IL31RA: variants seen among roughly 807,000 people sequenced by gnomAD.
The protein encoded by IL31RA is interleukin 31 receptor A.
A neutral mutation model predicts 83.7 loss-of-function variants in IL31RA; 66 were observed. The ratio of observed to expected loss-of-function variants is 0.79; its 90% CI spans 0.65 to 0.97. The LOEUF (loss-of-function observed/expected upper bound fraction) is 0.97. IL31RA is among the 50% of genes least tolerant of loss of function. IL31RA has a pLI of 0.00. For synonymous variants in IL31RA, 325 were observed against 329.0 expected (o/e 0.99, Z 0.13); for missense variants, 798 against 919.4 (o/e 0.87, Z 1.71).
At chr5:55,889,691 G>C (rs1242639705) in intron 5 of IL31RA, among the ~76,000 whole-genome samples, 1 of 152,174 alleles carries the variant, frequency 6.6e-6, no homozygotes, top group African/African-American at 2.4e-5. Flanking sequence ...GCAGAGCTCT[G>C]CTCACCCAGA....
chr5:55,853,328 A>G (rs1417419885), intron 1 of IL31RA: 5 of 1,268,722 alleles, frequency 3.9e-6, no homozygotes, highest in Non-Finnish European at 4.0e-6. Flanking sequence ...TTAGTTAACA[A>G]TAATGCAATC....
At chr5:55,915,030 A>G in intron 14 of IL31RA, 102 bp downstream of exon 14, 2 of 885,566 alleles carry the variant, frequency 2.3e-6, no homozygotes, top group South Asian at 2.7e-5. Context: ...TTCAAGGTTC[A>G]CATCAAGAGA....
At position 55,878,353 on chromosome 5, in the gene IL31RA, C is replaced by T. The variant is rs1012691694; in HGVS notation, c.455-4691C>T. Among the ~76,000 whole-genome samples, 26 of 152,172 alleles carry T rather than the reference C, an allele frequency of 1.7e-4. No homozygotes were observed. In the South Asian group the frequency reaches 2.5e-3, roughly 15 times the overall value. On this transcript the variant is annotated intron_variant, in intron 4 of 14. Transcript: ENST00000652347. ...TCTGATGGCTGGGCTTCCTCAAGGA[C>T]AGTTTCTGTGGATTTGTTTTGTTTA...
At chr5:55,889,683 A>G (rs970504712) in intron 5 of IL31RA, among the ~76,000 whole-genome samples, 3 of 152,216 alleles carry the variant, frequency 2.0e-5, no homozygotes, top group Non-Finnish European at 4.4e-5. Context: ...AGCAAGCAGC[A>G]GAGCTCTGCT....
chr5:55,872,253 C>T lies in IL31RA; in HGVS notation c.273-17C>T. 6.3e-7 allele frequency: 1 copy of T among 1,586,624 alleles called. No individual in the cohort carries two copies. The highest frequency in any genetic ancestry group is 8.6e-7 in the Non-Finnish European group (1 of 1,156,148). On this transcript the variant is annotated splice_polypyrimidine_tract_variant and intron_variant, in intron 3 of 14. Transcript: ENST00000652347. Reference sequence around the variant, plus strand: ...CCATTGTACTAAACTCATGTTGAATCACTTTTTCTTTCAAAGCGCTTTTGG... The same window carrying T: ...CCATTGTACTAAACTCATGTTGAATTACTTTTTCTTTCAAAGCGCTTTTGG...
intron 2 of IL31RA, among the ~76,000 whole-genome samples, chr5:55,865,573 T>C (rs1462928889): frequency 6.6e-6 from 1 of 152,184 alleles, no homozygotes; most frequent in Admixed American, 6.5e-5. Context: ...TGCTACCCAT[T>C]CTGGAACCCC....
At chr5:55,887,495 T>C (rs1003676900) in intron 5 of IL31RA, among the ~76,000 whole-genome samples, 5 of 152,182 alleles carry the variant, frequency 3.3e-5, no homozygotes, top group Non-Finnish European at 5.9e-5. Context: ...ATCCCAGCAC[T>C]TTGGGAGGCC....
At chr5:55,870,696 C>T (rs1746456426) in intron 3 of IL31RA, among the ~76,000 whole-genome samples, 1 of 152,180 alleles carries the variant, frequency 6.6e-6, no homozygotes, top group Non-Finnish European at 1.5e-5. Flanking sequence ...TCCTAGGCCA[C>T]TTGCATTTTT....
Position 55,903,166 on chromosome 5 carries a change from C to T in IL31RA, c.1070-2940C>T, listed in dbSNP as rs893016588. 1.3e-5 allele frequency among the ~76,000 whole-genome samples: 2 copies of T among 152,236 alleles called. No individual in the cohort carries two copies. The highest frequency in any genetic ancestry group is 1.9e-4 in the East Asian group (1 of 5,178). ...GACCCGAGACAGCAGGCAGCGGTGG[C>T]GTGGTCCCAGGCAGGGCATCGGAAA... On this transcript the variant is annotated intron_variant, in intron 8 of 14. Transcript: ENST00000652347. This position sits in a 1 kb window ranked among gnomAD's most constrained non-coding sequence, Gnocchi z 4.7.
chr5:55,884,026 C>T (rs1365870005), intron 5 of IL31RA, among the ~76,000 whole-genome samples: 2 of 152,136 alleles, frequency 1.3e-5, no homozygotes, highest in Non-Finnish European at 2.9e-5. Flanking sequence ...TTTACCTGAC[C>T]TTTAATGAAG....
chr5:55,913,445 C>A, intron 12 of IL31RA, 32 bp from the exon 13 acceptor site: 1 of 1,376,972 alleles, frequency 7.3e-7, no homozygotes, highest in Non-Finnish European at 1.0e-6. Context: ...GTGAGGAACT[C>A]ACTACTGACT....
chr5:55,848,056 C>T (rs1484241417), upstream of IL31RA, among the ~76,000 whole-genome samples: 3 of 152,176 alleles, frequency 2.0e-5, no homozygotes, highest in Non-Finnish European at 4.4e-5. Context: ...TATAACATCA[C>T]TGGTGATGCT....
chr5:55,857,858 T>C (rs1745448562), intron 1 of IL31RA, among the ~76,000 whole-genome samples: 1 of 152,206 alleles, frequency 6.6e-6, no homozygotes, highest in African/African-American at 2.4e-5. Context: ...TCCAACCACC[T>C]AACACATGGC....
chr5:55,847,242 T>G (rs142242356), upstream of IL31RA, among the ~76,000 whole-genome samples: 7 of 115,084 alleles, frequency 6.1e-5, no homozygotes, highest in African/African-American at 1.9e-4. Flanking sequence ...AAAAAAAAAA[T>G]AAAAATAAAT....
In IL31RA at chr5:55,906,175, C is replaced by A; in HGVS notation, c.1139C>A (p.Ser380Tyr). Residue 380 changes from serine to tyrosine, a missense_variant, in exon 9 of 15, where the codon TCT (serine) becomes TAT (tyrosine). Physicochemically the swap from Ser to Tyr is moderately radical, Grantham distance 144. Coordinates refer to ENST00000652347, the MANE Select transcript of IL31RA (RefSeq NM_139017.7). ...EDQLVVKWQS[S>Y]ALDVNTWMIE... ...CAGCTAGTGGTGAAGTGGCAAAGCT[C>A]TGCTCTAGACGTGAACACTTGGATG... 1 of 1,614,008 alleles carries A rather than the reference C, an allele frequency of 6.2e-7. No homozygotes were observed. The highest frequency in any genetic ancestry group is 1.1e-5 in the South Asian group (1 of 91,082).
intron 4 of IL31RA, among the ~76,000 whole-genome samples, chr5:55,882,238 T>C: frequency 6.6e-6 from 1 of 152,164 alleles, no homozygotes; most frequent in East Asian, 1.9e-4. Flanking sequence ...TGTAATACCA[T>C]GAATGTGCGA....
At chr5:55,913,076 C>A (rs1370738711) in intron 12 of IL31RA, among the ~76,000 whole-genome samples, 1 of 132,176 alleles carries the variant, frequency 7.6e-6, no homozygotes, top group Non-Finnish European at 1.6e-5. Context: ...GCACAAAATT[C>A]TGTTTTTTGT....
At position 55,890,020 on chromosome 5, in the gene IL31RA, C is replaced by T. The variant is rs888799686; in HGVS notation, c.657C>T (p.Asn219=). The change falls in exon 6 of 15, where the codon AAC becomes AAT. Residue 219 remains asparagine, a synonymous_variant. Transcript: ENST00000652347. The part of the protein sequence containing the change: ...KNRKDKNQTY[N]LTGLQPFTEY... ...GTAAGGATAAAAACCAAACGTACAA[C>T]CTCACGGGGCTGCAGCCTTTTACAG... is the stretch of plus-strand genomic sequence containing the variant. 7 of 1,614,048 alleles carry T rather than the reference C, an allele frequency of 4.3e-6. No homozygotes were observed.
In IL31RA at chr5:55,919,497, C is replaced by T. The variant is rs1458076700; in HGVS notation, c.*2377C>T. ...AATCCCCACCCAGCCCTTCCTGTTT[C>T]ATTTCTTCTTTCCTTTCTCTCCTCT... On this transcript the variant is annotated 3_prime_UTR_variant, in exon 15 of 15. Transcript: ENST00000652347. Among the ~76,000 whole-genome samples the T allele has an allele frequency of 6.6e-6, 1 of 152,210 alleles. No individual in the cohort carries two copies. Among genetic ancestry groups the T allele is most frequent in the African/African-American group, 2.4e-5 (1 of 41,456 alleles).
Sources: gnomAD v4.1 joint callset for allele counts (sites outside exome capture counted in the v4.1 genomes callset) on GRCh38, gnomAD v4.1.1 for gene constraint, Gnocchi (gnomAD v3.1) non-coding constraint, MANE v1.5 for transcripts, NCBI Gene and HGNC (gene_info 2026-07-23, HGNC 2026-07-21) for gene names.